The following HYDIN variants were observed in gnomAD, a reference collection of about 807,000 sequenced individuals.
HYDIN encodes the protein HYDIN axonemal central pair apparatus protein, also known as axonemal central pair apparatus protein HYDIN.
In HYDIN, 132 loss-of-function variants were observed where a neutral mutation model predicts 403.9. The observed-to-expected ratio is 0.33, with a 90% CI of 0.28 to 0.38. The LOEUF (loss-of-function observed/expected upper bound fraction) is 0.38, where lower values mean the gene tolerates loss of function less well. Ranked by LOEUF, HYDIN falls within the 10% of genes least tolerant of loss-of-function variation. The pLI, the probability that HYDIN is intolerant of heterozygous loss-of-function variation, is 1.00. For missense variants in HYDIN, 2,827 were observed against 5,009.5 expected (o/e 0.56, Z 13.15); for synonymous variants, 1,202 against 1,891.7 (o/e 0.64, Z 9.46).
intron 28 of HYDIN, among the ~76,000 whole-genome samples, chr16:70,982,224 A>G (rs1035580010): frequency 2.2e-4 from 33 of 152,128 alleles, no homozygotes; most frequent in African/African-American, 7.5e-4. Flanking sequence ...CTTTATGTCA[A>G]TATATTAAAA....
rs67662321 is a variant in HYDIN at position 70,850,246 on chromosome 16, A to AC, written c.12651+201dup. 2.3e-3 allele frequency among the ~76,000 whole-genome samples: 301 copies of AC among 132,722 alleles called. 5 individuals carry two copies. The highest frequency in any genetic ancestry group is 7.4e-3 in the Middle Eastern group (2 of 272). The allele number at this position is 132,722 out of a possible 152,430, so 87.1% of individuals were successfully genotyped here. A position where few individuals can be genotyped will look rare whatever the true frequency, so the allele number is the denominator to read the frequency against. Reference sequence around the variant, plus strand: ...TCTTTCTTCTCCCCACCATCTCTCCACCCCCCCCTGAAAATAAAATAAGAA... The same window carrying AC: ...TCTTTCTTCTCCCCACCATCTCTCCACCCCCCCCCTGAAAATAAAATAAGAA... On this transcript the variant is annotated intron_variant, in intron 74 of 85. Coordinates refer to ENST00000393567, the MANE Select transcript of HYDIN (RefSeq NM_001270974.2).
intron 23 of HYDIN, among the ~76,000 whole-genome samples, chr16:71,006,132 C>G (rs2144087035): frequency 1.3e-5 from 2 of 151,902 alleles, no homozygotes; most frequent in South Asian, 4.2e-4. Context: ...TGACATGGGG[C>G]TGAACTTGAA....
Position 70,889,664 on chromosome 16 carries a change from T to C in HYDIN, c.9697A>G (p.Ser3233Gly), listed in dbSNP as rs759929994. 16 of 651,878 alleles carry C rather than the reference T, an allele frequency of 2.5e-5. No homozygotes were observed. Among genetic ancestry groups the C allele is most frequent in the Middle Eastern group, 3.9e-4 (1 of 2,558 alleles). The allele number at this position is 651,878 out of a possible 1,614,324, so 40.4% of individuals were successfully genotyped here. ...VRHARSRESE[S>G]FYKTGSSRAA... ...CTGGAAGAGCCAGTTTTGTAGAAGC[T>C]CTCACTTTCTCGGGATCTTGCATGT... is the stretch of plus-strand genomic sequence containing the variant. Residue 3233 changes from serine (S) to glycine (G), a missense_variant, in exon 58 of 86, where the codon AGC (serine) becomes GGC (glycine). By Grantham distance (56) the Ser-to-Gly change is moderately conservative. Transcript: ENST00000393567.
At chr16:70,921,879 G>A (rs1304003342) in intron 45 of HYDIN, among the ~76,000 whole-genome samples, 1 of 152,210 alleles carries the variant, frequency 6.6e-6, no homozygotes, top group East Asian at 1.9e-4. Flanking sequence ...TGAGCATAGA[G>A]AAACCAACTT....
intron 80 of HYDIN, among the ~76,000 whole-genome samples, chr16:70,831,533 A>C (rs199683612): frequency 1.8e-3 from 255 of 140,324 alleles, no homozygotes; most frequent in South Asian, 4.9e-3. Context: ...AAAAACCAAA[A>C]AAAAAAAAAA....
intron 55 of HYDIN, 176 bp downstream of exon 55, chr16:70,894,273 G>C (rs1328744099): frequency 1.7e-6 from 1 of 591,974 alleles, no homozygotes; most frequent in Non-Finnish European, 3.0e-6. Context: ...AAGCAGAGAC[G>C]GTTCTTATGA....
rs1315539797 is a variant in HYDIN at position 70,897,070 on chromosome 16, G to A, written c.9049-990C>T. Among the ~76,000 whole-genome samples, 8 of 149,362 alleles carry A rather than the reference G, an allele frequency of 5.4e-5. No individual in the cohort carries two copies. The South Asian group carries it at 1.5e-3, about 29-fold the overall frequency. Reference sequence around the variant, plus strand: ...CAAATGGTTAGACTGACAACCCACAGAATGGCAGAAAATATTTGCAAACTA... The same window carrying A: ...CAAATGGTTAGACTGACAACCCACAAAATGGCAGAAAATATTTGCAAACTA... On this transcript the variant is annotated intron_variant, in intron 53 of 85. Transcript: ENST00000393567.
intron 13 of HYDIN, chr16:71,075,892 A>G (rs2082613526): frequency 3.2e-6 from 1 of 309,220 alleles, no homozygotes; most frequent in African/African-American, 2.2e-5. Context: ...TTCACAGAAT[A>G]TTCTCATACC....
At chr16:71,110,466 A>T (rs1245770582) in intron 10 of HYDIN, among the ~76,000 whole-genome samples, 5 of 142,738 alleles carry the variant, frequency 3.5e-5, no homozygotes, top group Admixed American at 7.2e-5. Context: ...AATATATATA[A>T]ACATATATAA....
rs1392039106 is a variant in HYDIN, at chr16:71,060,515, G to C, written c.2518C>G (p.Gln840Glu). 1 of 669,520 alleles carries C rather than the reference G, an allele frequency of 1.5e-6. No homozygotes were observed. Among genetic ancestry groups the C allele is most frequent in the Non-Finnish European group, 2.6e-6 (1 of 380,150 alleles). 41.5% of individuals were successfully genotyped at this position (669,520 alleles called of 1,614,324 possible). The change falls in exon 18 of 86, where the codon CAG becomes GAG. Residue 840 changes from glutamine (Q) to glutamate (E), a missense_variant. Transcript: ENST00000393567. Reference sequence around the variant, plus strand: ...GTCCCATGACTTACCATGTGTGCCTGGAAAAATGCGGGAATGAAGGACTGG... The same window carrying C: ...GTCCCATGACTTACCATGTGTGCCTCGAAAAATGCGGGAATGAAGGACTGG... Reference protein sequence around the residue: ...CNQSFIPAFFQAHMAHKKSLW... With the variant: ...CNQSFIPAFFEAHMAHKKSLW...
chr16:71,136,904 C>T (rs2084946805), intron 8 of HYDIN, among the ~76,000 whole-genome samples: 1 of 139,094 alleles, frequency 7.2e-6, no homozygotes, highest in Non-Finnish European at 1.5e-5. Flanking sequence ...TCTAGGCATT[C>T]CATTACTGCT....
At chr16:71,036,197 G>T (rs1201372272) in intron 18 of HYDIN, among the ~76,000 whole-genome samples, 1 of 151,478 alleles carries the variant, frequency 6.6e-6, no homozygotes, top group African/African-American at 2.4e-5. Flanking sequence ...AGATCCTTTG[G>T]GAACTGCAGG....
chr16:70,835,346 A>C (rs1472004958), intron 78 of HYDIN, among the ~76,000 whole-genome samples: 1 of 152,094 alleles, frequency 6.6e-6, no homozygotes, highest in Non-Finnish European at 1.5e-5. Flanking sequence ...GCTTAAGGAG[A>C]AACACCTGAA....
intron 3 of HYDIN, among the ~76,000 whole-genome samples, chr16:71,180,685 C>T (rs2086864832): frequency 6.6e-6 from 1 of 151,968 alleles, no homozygotes; most frequent in Admixed American, 6.6e-5. Flanking sequence ...AACGATAACA[C>T]ATCATGACCA....
chr16:70,944,764 T>C (rs906241943), intron 41 of HYDIN, among the ~76,000 whole-genome samples: 3 of 152,226 alleles, frequency 2.0e-5, no homozygotes, highest in Admixed American at 6.5e-5. Context: ...TATTTTATTA[T>C]ATTTTTGAGA....
chr16:70,822,984 C>T (rs2036366912), intron 83 of HYDIN, among the ~76,000 whole-genome samples: 1 of 103,446 alleles, frequency 9.7e-6, no homozygotes, highest in South Asian at 4.1e-4. Context: ...ACCAAACCCA[C>T]AGTACTTCTG....
chr16:71,020,214 A>G lies in HYDIN; in HGVS notation c.3290T>C (p.Ile1097Thr). 3 of 1,613,854 alleles carry G rather than the reference A, an allele frequency of 1.9e-6. No individual in the cohort carries two copies. The highest frequency in any genetic ancestry group is 2.5e-6 in the Non-Finnish European group (3 of 1,179,934). ...LLLSTSGPFF[I>T]CETDKSLLPA... ...CAGCAGGGATTTATCAGTCTCACAT[A>G]TAAAGAAGGGTCCAGATGTTGACAG... The change falls in exon 22 of 86, where the codon ATA (isoleucine) becomes ACA (threonine). Residue 1097 changes from isoleucine to threonine, a missense_variant. Ile to Thr is a moderately conservative substitution (Grantham distance 89). Transcript: ENST00000393567.
chr16:71,130,961 A>T (rs1158356129), intron 8 of HYDIN, among the ~76,000 whole-genome samples: 1 of 130,512 alleles, frequency 7.7e-6, no homozygotes, highest in Non-Finnish European at 1.6e-5. Flanking sequence ...CCCCCACCAG[A>T]GCTATGTTCA....
intron 83 of HYDIN, among the ~76,000 whole-genome samples, chr16:70,819,997 T>G (rs1357229818): frequency 7.0e-6 from 1 of 143,478 alleles, no homozygotes; most frequent in Non-Finnish European, 1.5e-5. Flanking sequence ...TTTTTTTGTA[T>G]TTTTAGTAGA....
Sources: allele counts gnomAD v4.1 joint callset (sites outside exome capture counted in the v4.1 genomes callset), GRCh38; gene constraint gnomAD v4.1.1; transcripts MANE v1.5; gene names NCBI Gene and HGNC (gene_info 2026-07-23, HGNC 2026-07-21).